BSN: variants seen among roughly 807,000 people sequenced by gnomAD.
BSN encodes the protein bassoon presynaptic cytomatrix protein, also known as protein bassoon.
Under a neutral mutation model 264.8 loss-of-function variants are expected in BSN, and 57 were observed. The ratio of observed to expected loss-of-function variants is 0.22; its 90% CI spans 0.17 to 0.27. BSN has a LOEUF of 0.27. Among genes scored for constraint, BSN ranks in the 10% least tolerant of loss-of-function variants. BSN has a pLI of 1.00. For missense variants in BSN, 4,615 were observed against 5,232.5 expected, an observed-to-expected ratio of 0.88 and a Z score of 3.64; for synonymous variants, 2,059 against 2,137.3, an observed-to-expected ratio of 0.96 and a Z score of 1.01.
chr3:49,658,741 C>T (rs2052631562), intron 5 of BSN, among the ~76,000 whole-genome samples: 1 of 152,204 alleles, frequency 6.6e-6, no homozygotes, highest in African/African-American at 2.4e-5. Flanking sequence ...TGTTCTCTGC[C>T]CCTACCTGGC....
In BSN at chr3:49,651,718, C is replaced by T. The variant is rs758797093; in HGVS notation, c.2162C>T (p.Pro721Leu). 1 of 1,613,792 alleles carries T rather than the reference C, an allele frequency of 6.2e-7. No individual in the cohort carries two copies. Among genetic ancestry groups the T allele is most frequent in the Admixed American group, 1.7e-5 (1 of 59,996 alleles). The change falls in exon 5 of 12, where the codon CCC becomes CTC. Residue 721 changes from proline to leucine, a missense_variant. Pro to Leu is a moderately conservative substitution (Grantham distance 98). Transcript: ENST00000296452. This position sits in a 1 kb window ranked among gnomAD's most constrained non-coding sequence, Gnocchi z 5.4. Reference sequence around the variant, plus strand: ...GTGACAGGGCCACATCCACCCAGCCCCTCCGAGATCCACAAGGTGGGGAGC... The same window carrying T: ...GTGACAGGGCCACATCCACCCAGCCTCTCCGAGATCCACAAGGTGGGGAGC... ...AGVTGPHPPS[P>L]SEIHKVGSSM...
At chr3:49,618,576 TTGCTGGGAGCTGTTCTAGG>T (rs568617970) in intron 1 of BSN, among the ~76,000 whole-genome samples, 149 of 152,364 alleles carry the variant, frequency 9.8e-4, no homozygotes, top group African/African-American at 3.3e-3. Context: ...TATCACACGA[TTGCTGGGAGCTGTTCTAGG>T]TGCTGGGAGC....
intron 6 of BSN, 81 bp from the exon 7 acceptor site, chr3:49,662,795 G>C: frequency 6.7e-7 from 1 of 1,495,404 alleles, no homozygotes; most frequent in Non-Finnish European, 8.9e-7. Flanking sequence ...CCACTCTCTT[G>C]GTTTCTTTGC....
chr3:49,658,164 C>T lies in BSN; in HGVS notation c.8608C>T (p.Leu2870Phe), dbSNP rs1439860258. 4.4e-6 allele frequency: 7 copies of T among 1,588,158 alleles called. No homozygotes were observed. In the South Asian group the frequency reaches 7.8e-5, roughly 18 times the overall value. ...AGAGTCTGCCAAAGAGAGATTCTCCCTCTACCAGCACCAGGGGGGACTGGG... is the reference window on the plus strand; with the variant it reads ...AGAGTCTGCCAAAGAGAGATTCTCCTTCTACCAGCACCAGGGGGGACTGGG... ...AEESAKERFSLYQHQGGLGSQ... is the reference protein window; with the variant it reads ...AEESAKERFSFYQHQGGLGSQ... The change falls in exon 5 of 12, where the codon CTC becomes TTC. Residue 2870 changes from leucine to phenylalanine, a missense_variant. Leu to Phe is a conservative substitution (Grantham distance 22). This residue lies in a region of BSN where 3,415 missense variants were observed against 3,866.4 expected (regional missense o/e 0.88). Coordinates refer to ENST00000296452, the MANE Select transcript of BSN (RefSeq NM_003458.4).
In BSN at chr3:49,642,876, T is replaced by G; in HGVS notation, c.1242T>G (p.Thr414=). Residue 414 remains threonine, a synonymous_variant, in exon 3 of 12, where the codon ACT becomes ACG. Transcript: ENST00000296452. This position sits in a 1 kb window ranked among gnomAD's most constrained non-coding sequence, Gnocchi z 7.0. ...CTGGGCCAGCACCTGGAGCCAAAAC[T>G]GAGCCTGGGGCTAGAATGGGTCCTG... The part of the protein sequence containing the change: ...PGPGPAPGAK[T]EPGARMGPGS... The G allele has an allele frequency of 1.9e-6, 3 of 1,613,426 alleles. No individual in the cohort carries two copies. The highest frequency in any genetic ancestry group is 2.5e-6 in the Non-Finnish European group (3 of 1,179,912).
chr3:49,565,362 C>G (rs1437764453), intron 1 of BSN, among the ~76,000 whole-genome samples: 18 of 149,148 alleles, frequency 1.2e-4, no homozygotes, highest in African/African-American at 4.2e-4. Flanking sequence ...CTGTCGTCGC[C>G]CAGGCTGGAG....
At chr3:49,617,637 C>T (rs573837945) in intron 1 of BSN, among the ~76,000 whole-genome samples, 14 of 152,234 alleles carry the variant, frequency 9.2e-5, no homozygotes, top group Non-Finnish European at 1.5e-4. Flanking sequence ...TCCTGCCCAG[C>T]GGCCATATTT....
intron 2 of BSN, chr3:49,641,517 C>T (rs771963037): frequency 6.6e-6 from 1 of 152,134 alleles, no homozygotes; most frequent in Non-Finnish European, 1.5e-5. Context: ...GCACATGTCT[C>T]GTTTGCTCTG....
Position 49,626,497 on chromosome 3 carries a change from T to C in BSN, c.633+1114T>C, listed in dbSNP as rs375580522. Among the ~76,000 whole-genome samples, 33 of 152,248 alleles carry C rather than the reference T, an allele frequency of 2.2e-4. No homozygotes were observed. The East Asian group carries it at 6.2e-3, about 29-fold the overall frequency. Reference sequence around the variant, plus strand: ...GGTGTGGGGAGATGACTCAGTGCCTTTGGAGTTGCTCCTGGAGTGTGGGGG... The same window carrying C: ...GGTGTGGGGAGATGACTCAGTGCCTCTGGAGTTGCTCCTGGAGTGTGGGGG... On this transcript the variant is annotated intron_variant, in intron 2 of 11. Transcript: ENST00000296452.
intron 1 of BSN, among the ~76,000 whole-genome samples, chr3:49,624,032 G>A (rs772371458): frequency 1.1e-4 from 17 of 151,780 alleles, no homozygotes; most frequent in Non-Finnish European, 1.5e-4. Flanking sequence ...ATGGAGTCTC[G>A]CTCTGTTGCC....
At chr3:49,662,844 G>A (rs1361211905) in intron 6 of BSN, 32 bp from the exon 7 acceptor site, 1 of 1,530,300 alleles carries the variant, frequency 6.5e-7, no homozygotes. Flanking sequence ...CTAGCCCGGG[G>A]GTTGATGGTA....
chr3:49,579,123 G>C (rs1172044938), intron 1 of BSN, among the ~76,000 whole-genome samples: 1 of 151,622 alleles, frequency 6.6e-6, no homozygotes, highest in East Asian at 1.9e-4. Flanking sequence ...AAGCAGCTAG[G>C]ACTACAGGCA....
Position 49,661,250 on chromosome 3 carries a change from C to T in BSN, c.9405C>T (p.Pro3135=), listed in dbSNP as rs747822908. The change falls in exon 6 of 12, where the codon CCC becomes CCT. Residue 3135 remains proline (P), a synonymous_variant. Transcript: ENST00000296452. ...PTTQSTLFPV[P]ADSRAPLQKP... is the part of the protein sequence containing the mutation. ...CACAGAGCACCCTTTTTCCAGTCCC[C>T]GCTGATAGCCGTGCCCCACTGCAGA... The T allele has an allele frequency of 4.9e-5, 79 of 1,613,616 alleles. No homozygotes were observed. The highest frequency in any genetic ancestry group is 2.7e-4 in the East Asian group (12 of 44,896).
rs1220198390 is a variant in BSN, at chr3:49,655,869, C to T, written c.6313C>T (p.Leu2105Phe). ...TGAAATCAGTCGCATGTGCGCTGCC[C>T]TCAACTCCATGGACCAGTATGGTGG... Reference protein sequence around the residue: ...AREISRMCAALNSMDQYGGRH... With the variant: ...AREISRMCAAFNSMDQYGGRH... The change falls in exon 5 of 12, where the codon CTC becomes TTC. Residue 2105 changes from leucine (L) to phenylalanine (F), a missense_variant. Transcript: ENST00000296452. The T allele has an allele frequency of 6.2e-7, 1 of 1,613,136 alleles. No individual in the cohort carries two copies. The highest frequency in any genetic ancestry group is 8.5e-7 in the Non-Finnish European group (1 of 1,179,982).
rs1408920721 is a variant in BSN, at chr3:49,642,480, C to T, written c.846C>T (p.Ala282=). The change falls in exon 3 of 12, where the codon GCC becomes GCT. Residue 282 remains alanine, a synonymous_variant. Coordinates refer to ENST00000296452, the MANE Select transcript of BSN (RefSeq NM_003458.4). The surrounding 1 kb of genome is among the most constrained non-coding windows in gnomAD (Gnocchi z 7.0). ...PQPGSRQAET[A]RATSVPGPAQ... ...CTGGGTCCCGCCAGGCTGAGACAGC[C>T]AGGGCCACCTCAGTGCCGGGGCCTG... The T allele has an allele frequency of 6.3e-7, 1 of 1,580,516 alleles. No individual in the cohort carries two copies.
In BSN at chr3:49,661,282, G is replaced by A. The variant is rs376914459; in HGVS notation, c.9437G>A (p.Arg3146His). 56 of 1,613,794 alleles carry A rather than the reference G, an allele frequency of 3.5e-5. No individual in the cohort carries two copies. Among genetic ancestry groups the A allele is most frequent in the East Asian group, 1.1e-4 (5 of 44,890 alleles). Residue 3146 changes from arginine (R) to histidine (H), a missense_variant, in exon 6 of 12, where the codon CGC (arginine) becomes CAC (histidine). By Grantham distance (29) the Arg-to-His change is conservative. Around this residue, in one of 3 missense-constraint regions of BSN, gnomAD observed 3,415 missense variants for 3,866.4 expected, o/e 0.88. Coordinates refer to ENST00000296452, the MANE Select transcript of BSN (RefSeq NM_003458.4). ...ADSRAPLQKP[R>H]QTSLADLEQK... ...AGCCGTGCCCCACTGCAGAAGCCACGCCAGACATCGCTAGCCGACTTGGAG... is the reference window on the plus strand; with the variant it reads ...AGCCGTGCCCCACTGCAGAAGCCACACCAGACATCGCTAGCCGACTTGGAG...
In BSN at chr3:49,653,624, G is replaced by C; in HGVS notation, c.4068G>C (p.Leu1356=). Residue 1356 remains leucine, a synonymous_variant, in exon 5 of 12, where the codon CTG becomes CTC. Coordinates refer to ENST00000296452, the MANE Select transcript of BSN (RefSeq NM_003458.4). The surrounding 1 kb of genome is among the most constrained non-coding windows in gnomAD (Gnocchi z 6.3). ...AGGAGACTCAGGACCCCCTCAAGCT[G>C]CACAGCTCTCCTGCCTCCCCCAGCT... ...FAKETQDPLK[L]HSSPASPSSA... is the part of the protein sequence containing the mutation. The C allele has an allele frequency of 6.2e-7, 1 of 1,613,692 alleles. No homozygotes were observed. The highest frequency in any genetic ancestry group is 1.1e-5 in the South Asian group (1 of 91,076).
Position 49,655,585 on chromosome 3 carries a change from G to A in BSN, c.6029G>A (p.Arg2010Gln), listed in dbSNP as rs563304276. ...GGGCAGCTCTTCCAGGGTCCTGGAC[G>A]AGACTCGGCTATGGACCTCAGCTCA... is the stretch of plus-strand genomic sequence containing the variant. ...RIGQLFQGPGRDSAMDLSSLK... is the reference protein window; with the variant it reads ...RIGQLFQGPGQDSAMDLSSLK... The change falls in exon 5 of 12, where the codon CGA becomes CAA. Residue 2010 changes from arginine to glutamine, a missense_variant. Physicochemically the swap from Arg to Gln is conservative, Grantham distance 43 (BLOSUM62 1). Transcript: ENST00000296452. 26 of 1,613,636 alleles carry A rather than the reference G, an allele frequency of 1.6e-5. No individual in the cohort carries two copies. The highest frequency in any genetic ancestry group is 8.9e-5 in the East Asian group (4 of 44,880).
chr3:49,610,584 C>CAAAAAAAAA (rs60726552), intron 1 of BSN, among the ~76,000 whole-genome samples: 12 of 71,178 alleles, frequency 1.7e-4, no homozygotes, highest in Admixed American at 2.1e-4. Flanking sequence ...AATTTCATCT[C>CAAAAAAAAA]AAAAAAAAAA....
Sources: gnomAD v4.1 joint callset for allele counts (sites outside exome capture counted in the v4.1 genomes callset) on GRCh38, gnomAD v4.1.1 for gene constraint, gnomAD v4.1.1 regional missense constraint, Gnocchi (gnomAD v3.1) non-coding constraint, MANE v1.5 for transcripts, NCBI Gene and HGNC (gene_info 2026-07-23, HGNC 2026-07-21) for gene names.